Variants in CASP4 observed in about 807,000 individuals in gnomAD.
CASP4 encodes the protein caspase 4, also known as caspase-4.
In CASP4, 29 loss-of-function variants were observed where a neutral mutation model predicts 41.3. The ratio of observed to expected loss-of-function variants is 0.70; its 90% CI spans 0.52 to 0.96. CASP4 has a LOEUF of 0.96. Among genes scored for constraint, CASP4 ranks in the 40% least tolerant of loss-of-function variants. The pLI is 0.00. For synonymous variants in CASP4, 185 were observed against 158.4 expected (o/e 1.17, Z -1.26); for missense variants, 447 against 460.6 (o/e 0.97, Z 0.27).
Position 104,955,301 on chromosome 11 carries a change from T to G in CASP4, c.8-300A>C, listed in dbSNP as rs567836223. ...CAAACTTCCTGGTCATCCACTGTAT[T>G]CATTTTTCTCTTTTACTGGTTCACG... On this transcript the variant is annotated intron_variant, in intron 1 of 8. Transcript: ENST00000444739. 5.3e-5 allele frequency among the ~76,000 whole-genome samples: 8 copies of G among 152,174 alleles called. No homozygotes were observed. The East Asian group carries it at 1.5e-3, about 29-fold the overall frequency.
intron 3 of CASP4, 140 bp from the exon 4 acceptor site, chr11:104,951,238 C>T: frequency 1.6e-6 from 1 of 641,216 alleles, no homozygotes; most frequent in Non-Finnish European, 2.6e-6. Flanking sequence ...GACTTTCTCT[C>T]TCTCAAGAAC....
chr11:104,951,318 C>A (rs1335040187), intron 3 of CASP4: 3 of 389,840 alleles, frequency 7.7e-6, no homozygotes, highest in Middle Eastern at 6.7e-4. Context: ...ATTCCTATGC[C>A]TTTTCTTCTC....
At chr11:104,948,869 A>G (rs754753253) in intron 5 of CASP4, 193 bp from the exon 6 acceptor site, 50 of 399,194 alleles carry the variant, frequency 1.3e-4, no homozygotes, top group African/African-American at 6.6e-4. Context: ...TCATTCAACA[A>G]TGTGCCTACT....
At chr11:104,958,636 G>GA (rs924705096) in intron 1 of CASP4, among the ~76,000 whole-genome samples, 2 of 151,918 alleles carry the variant, frequency 1.3e-5, no homozygotes, top group Admixed American at 6.6e-5. Context: ...AGAGGATGTA[G>GA]AAAAAAAGAA....
intron 2 of CASP4, among the ~76,000 whole-genome samples, chr11:104,953,057 T>A (rs905095631): frequency 2.6e-5 from 4 of 152,178 alleles, no homozygotes; most frequent in Admixed American, 1.3e-4. Flanking sequence ...TGTGTGTGTG[T>A]GAGATACAGT....
chr11:104,965,419 C>T (rs945539939), intron 1 of CASP4, among the ~76,000 whole-genome samples: 6 of 152,128 alleles, frequency 3.9e-5, no homozygotes, highest in Non-Finnish European at 8.8e-5. Flanking sequence ...CCAGAGTGAT[C>T]GACAGCCTTT....
intron 6 of CASP4, 45 bp from the exon 7 acceptor site, chr11:104,947,237 A>G: frequency 8.7e-7 from 1 of 1,145,172 alleles, no homozygotes; most frequent in Non-Finnish European, 1.3e-6. Flanking sequence ...GACTTTCACT[A>G]TGTTTTTGTT....
At chr11:104,953,910 GAAGT>G (rs1860675089) in intron 2 of CASP4, among the ~76,000 whole-genome samples, 2 of 152,254 alleles carry the variant, frequency 1.3e-5, no homozygotes, top group Admixed American at 6.5e-5. Flanking sequence ...GTAATTCGCA[GAAGT>G]AAGTAAGCAC....
Position 104,946,945 on chromosome 11 carries a change from T to C in CASP4, c.1035+138A>G, listed in dbSNP as rs1860475423. The C allele has an allele frequency of 4.8e-6, 3 of 626,618 alleles. No homozygotes were observed. The East Asian group carries it at 7.8e-5, about 16-fold the overall frequency. 38.8% of individuals were successfully genotyped at this position (626,618 alleles called of 1,614,324 possible). On this transcript the variant is annotated intron_variant, in intron 7 of 8. Transcript: ENST00000444739. ...GAATTGTCTTTTCCTTAGCCATATT[T>C]TAAACAACTGAATGACAGAAACTGG...
intron 1 of CASP4, among the ~76,000 whole-genome samples, chr11:104,957,758 C>T (rs1239876992): frequency 6.6e-6 from 1 of 151,874 alleles, no homozygotes; most frequent in Non-Finnish European, 1.5e-5. Flanking sequence ...CTAATGGCAG[C>T]TTTTACAAAA....
At chr11:104,945,488 C>G (rs1860435799) in intron 7 of CASP4, among the ~76,000 whole-genome samples, 1 of 152,046 alleles carries the variant, frequency 6.6e-6, no homozygotes, top group Non-Finnish European at 1.5e-5. Flanking sequence ...AAACTCCTGA[C>G]CTCATGATCC....
intron 5 of CASP4, chr11:104,949,137 A>C: frequency 3.6e-6 from 1 of 277,290 alleles, no homozygotes. Flanking sequence ...TTTCCCCCTC[A>C]ATAATTATAA....
chr11:104,958,615 A>G (rs1471673020), intron 1 of CASP4, among the ~76,000 whole-genome samples: 1 of 152,146 alleles, frequency 6.6e-6, no homozygotes, highest in East Asian at 1.9e-4. Context: ...ACAAAAGATA[A>G]CAAATGGTGG....
chr11:104,950,255 C>G (rs890391547), intron 4 of CASP4, among the ~76,000 whole-genome samples: 3 of 152,126 alleles, frequency 2.0e-5, no homozygotes, highest in Non-Finnish European at 4.4e-5. Flanking sequence ...ATTTTCAGCT[C>G]AGCTCTTTCA....
chr11:104,957,726 C>A (rs1222579336), intron 1 of CASP4, among the ~76,000 whole-genome samples: 3 of 151,892 alleles, frequency 2.0e-5, no homozygotes, highest in African/African-American at 2.4e-5. Context: ...TCTAAAGATA[C>A]AATGCAATTC....
intron 1 of CASP4, among the ~76,000 whole-genome samples, chr11:104,967,488 G>A (rs552932): frequency 0.68 from 103,412 of 152,040 alleles, 35,580 homozygotes; most frequent in Middle Eastern, 0.89. Context: ...TAGTAAAAAA[G>A]AGAAAAGGCA....
chr11:104,950,127 A>G (rs1325945522), intron 4 of CASP4, among the ~76,000 whole-genome samples: 2 of 152,146 alleles, frequency 1.3e-5, no homozygotes, highest in Non-Finnish European at 2.9e-5. Context: ...CCATCCCACT[A>G]TGCTTAGAAT....
At chr11:104,950,521 C>T (rs924030145) in intron 4 of CASP4, among the ~76,000 whole-genome samples, 2 of 152,142 alleles carry the variant, frequency 1.3e-5, no homozygotes, top group Admixed American at 6.6e-5. Flanking sequence ...CTGGGAACTT[C>T]CTGTCTCATT....
intron 4 of CASP4, 151 bp downstream of exon 4, chr11:104,950,774 C>A (rs1472163003): frequency 6.8e-6 from 3 of 439,828 alleles, no homozygotes; most frequent in South Asian, 7.4e-5. Flanking sequence ...ATAGATTTAC[C>A]AGTCTAGTAC....
Sources: gnomAD v4.1 joint callset for allele counts (sites outside exome capture counted in the v4.1 genomes callset) on GRCh38, gnomAD v4.1.1 for gene constraint, MANE v1.5 for transcripts, NCBI Gene and HGNC (gene_info 2026-07-23, HGNC 2026-07-21) for gene names.